The following PSMD5 variants were observed in gnomAD, a reference collection of about 807,000 sequenced individuals.
PSMD5 encodes the protein proteasome 26S subunit, non-ATPase 5.
PSMD5 carries 40 observed loss-of-function variants against 52.1 expected under a neutral mutation model. The observed-to-expected ratio is 0.77, with a 90% confidence interval of 0.60 to 1.00. The LOEUF (loss-of-function observed/expected upper bound fraction) is 1.00. Among genes scored for constraint, PSMD5 ranks in the 50% least tolerant of loss-of-function variants. The pLI is 0.00. For missense variants in PSMD5, 575 were observed against 605.2 expected (o/e 0.95, Z 0.52); for synonymous variants, 211 against 226.6 (o/e 0.93, Z 0.62).
In PSMD5 at chr9:120,817,779, G is replaced by C; in HGVS notation, c.*127C>G. 8.9e-7 allele frequency: 1 copy of C among 1,118,876 alleles called. No homozygotes were observed. Among genetic ancestry groups the C allele is most frequent in the Non-Finnish European group, 1.3e-6 (1 of 785,696 alleles). 69.3% of individuals were successfully genotyped at this position (1,118,876 alleles called of 1,614,324 possible). On this transcript the variant is annotated 3_prime_UTR_variant, in exon 10 of 10. Coordinates refer to ENST00000210313, the MANE Select transcript of PSMD5 (RefSeq NM_005047.4). ...GAAATATAACAGTGTTGGTAACAAAGTAACATCTGACATTCCATGATAATT... is the reference window on the plus strand; with the variant it reads ...GAAATATAACAGTGTTGGTAACAAACTAACATCTGACATTCCATGATAATT...
intron 1 of PSMD5, among the ~76,000 whole-genome samples, chr9:120,838,560 C>A (rs1178623731): frequency 6.6e-6 from 1 of 152,214 alleles, no homozygotes; most frequent in Non-Finnish European, 1.5e-5. Flanking sequence ...CTGCCAGATA[C>A]TATCCAGAGA....
At chr9:120,833,267 G>T (rs376343220) in intron 2 of PSMD5, 45 bp downstream of exon 2, 7 of 1,593,294 alleles carry the variant, frequency 4.4e-6, no homozygotes, top group Middle Eastern at 1.7e-4. Flanking sequence ...GCAGAACCTG[G>T]CCCAGAGCAG....
At chr9:120,833,618 G>A (rs1477075950) in intron 1 of PSMD5, among the ~76,000 whole-genome samples, 162 bp from the exon 2 acceptor site, 1 of 151,248 alleles carries the variant, frequency 6.6e-6, no homozygotes, top group Non-Finnish European at 1.5e-5. Flanking sequence ...TACCTATTAT[G>A]CGCATTGCCT....
In PSMD5 at chr9:120,824,642, A is replaced by G; in HGVS notation, c.858T>C (p.Pro286=). The G allele has an allele frequency of 6.2e-7, 1 of 1,613,122 alleles. No homozygotes were observed. The highest frequency in any genetic ancestry group is 8.5e-7 in the Non-Finnish European group (1 of 1,179,768). The change falls in exon 7 of 10, where the codon CCT becomes CCC. Residue 286 remains proline (P), a synonymous_variant. Transcript: ENST00000210313. The part of the protein sequence containing the change: ...FFGNLAVMDS[P]QQICERYPIF... ...TAGGATAACGCTCACAGATCTGTTG[A>G]GGACTATCCATGACAGCCAGGTTTC...
chr9:120,842,127 C>T (rs12375526), intron 1 of PSMD5: 1 of 153,876 alleles, frequency 6.5e-6, no homozygotes, highest in Non-Finnish European at 1.4e-5. Context: ...CGCTTTTGGA[C>T]TGATCGCCTT....
chr9:120,836,952 C>T (rs1287572401), intron 1 of PSMD5, among the ~76,000 whole-genome samples: 2 of 144,092 alleles, frequency 1.4e-5, no homozygotes, highest in South Asian at 2.2e-4. Flanking sequence ...TGCAGTGGTG[C>T]GATCTTGGCT....
At chr9:120,831,803 A>G in intron 3 of PSMD5, 29 bp downstream of exon 3, 3 of 1,601,300 alleles carry the variant, frequency 1.9e-6, no homozygotes, top group Non-Finnish European at 2.6e-6. Context: ...GTCTCTGCAC[A>G]TTTAAGTCAA....
chr9:120,829,514 C>T, intron 4 of PSMD5, among the ~76,000 whole-genome samples: 1 of 152,212 alleles, frequency 6.6e-6, no homozygotes. Context: ...GTGCCTCAGC[C>T]TCCCCAGTAG....
In PSMD5 at chr9:120,824,607, T is replaced by C. The variant is rs747654438; in HGVS notation, c.893A>G (p.Glu298Gly). 3.1e-6 allele frequency: 5 copies of C among 1,614,062 alleles called. No individual in the cohort carries two copies. In the East Asian group the frequency reaches 1.1e-4, roughly 36 times the overall value. Residue 298 changes from glutamate to glycine, a missense_variant, in exon 7 of 10, where the codon GAA (glutamate) becomes GGA (glycine). Coordinates refer to ENST00000210313, the MANE Select transcript of PSMD5 (RefSeq NM_005047.4). ...ACTTTCTATCATTTCAAAGACTTTT[T>C]CCACAAAGATAGGATAACGCTCACA... ...QICERYPIFV[E>G]KVFEMIESQD...
In PSMD5 at chr9:120,837,185, A is replaced by G. The variant is rs568819312; in HGVS notation, c.174-3729T>C. Among the ~76,000 whole-genome samples the G allele has an allele frequency of 5.9e-5, 9 of 151,418 alleles. No individual in the cohort carries two copies. The South Asian group carries it at 1.0e-3, about 18-fold the overall frequency. On this transcript the variant is annotated intron_variant, in intron 1 of 9. Coordinates refer to ENST00000210313, the MANE Select transcript of PSMD5 (RefSeq NM_005047.4). ...ATTACAGGCGTTAGCCACCGCGCCC[A>G]GCCAATTTTTGTATTTTTAGTAGAG...
At chr9:120,841,206 G>A (rs1448426777) in intron 1 of PSMD5, among the ~76,000 whole-genome samples, 1 of 152,206 alleles carries the variant, frequency 6.6e-6, no homozygotes, top group Non-Finnish European at 1.5e-5. Context: ...TGTGGGGGTT[G>A]GGAAGATTGT....
chr9:120,828,141 C>T lies in PSMD5; in HGVS notation c.671+958G>A, dbSNP rs571730690. ...CCTTCCCAGTAGCTAGGATTACAGG[C>T]ACCCACCACCACGCCCAGCTAATTT... On this transcript the variant is annotated intron_variant, in intron 5 of 9. Coordinates refer to ENST00000210313, the MANE Select transcript of PSMD5 (RefSeq NM_005047.4). Among the ~76,000 whole-genome samples the T allele has an allele frequency of 5.1e-4, 77 of 152,266 alleles. 1 individual carries two copies. Among genetic ancestry groups the T allele is most frequent in the Non-Finnish European group, 5.0e-4 (34 of 68,012 alleles).
intron 6 of PSMD5, among the ~76,000 whole-genome samples, chr9:120,825,440 G>C (rs1377156853): frequency 6.6e-6 from 1 of 151,968 alleles, no homozygotes; most frequent in Non-Finnish European, 1.5e-5. Context: ...TATTTTTTCT[G>C]CTTTCGTGAA....
intron 2 of PSMD5, among the ~76,000 whole-genome samples, chr9:120,832,315 A>ATTTAATCG (rs898912763): frequency 5.3e-5 from 8 of 152,158 alleles, no homozygotes; most frequent in Non-Finnish European, 1.2e-4. Context: ...ATGAGACCGA[A>ATTTAATCG]CAGGCAAAGC....
At chr9:120,842,692 T>G (rs1402419435) in intron 1 of PSMD5, 45 bp downstream of exon 1, 1 of 1,606,702 alleles carries the variant, frequency 6.2e-7, no homozygotes, top group African/African-American at 1.3e-5. Context: ...TGTCCATATT[T>G]AGGGGTGCCC....
intron 1 of PSMD5, among the ~76,000 whole-genome samples, chr9:120,840,143 A>AC (rs1247129227): frequency 6.7e-6 from 1 of 150,270 alleles, no homozygotes; most frequent in East Asian, 1.9e-4. Flanking sequence ...AAAAAAAAAA[A>AC]AAAAAGGGCC....
In PSMD5 at chr9:120,818,198, G is replaced by A. The variant is rs774611091; in HGVS notation, c.1258-35C>T. On this transcript the variant is annotated intron_variant, in intron 9 of 9. Transcript: ENST00000210313. Reference sequence around the variant, plus strand: ...AAGGCAGAAAGAATACAATTCCCCTGAGTGGAAGTTGTTTGTTAATGGGAT... The same window carrying A: ...AAGGCAGAAAGAATACAATTCCCCTAAGTGGAAGTTGTTTGTTAATGGGAT... 5.1e-6 allele frequency: 8 copies of A among 1,573,526 alleles called. No individual in the cohort carries two copies. The South Asian group carries it at 5.8e-5, about 11-fold the overall frequency.
chr9:120,817,774 A>G lies in PSMD5; in HGVS notation c.*132T>C, dbSNP rs1314417892. 6.5e-6 allele frequency: 7 copies of G among 1,076,158 alleles called. No homozygotes were observed. The highest frequency in any genetic ancestry group is 2.2e-4 in the Middle Eastern group (1 of 4,572). 66.7% of individuals were successfully genotyped at this position (1,076,158 alleles called of 1,614,324 possible). A position where few individuals can be genotyped will look rare whatever the true frequency, so the allele number is the denominator to read the frequency against. ...ATGTAGAAATATAACAGTGTTGGTA[A>G]CAAAGTAACATCTGACATTCCATGA... is the stretch of plus-strand genomic sequence containing the variant. On this transcript the variant is annotated 3_prime_UTR_variant, in exon 10 of 10. Transcript: ENST00000210313.
chr9:120,834,546 T>C (rs1484577023), intron 1 of PSMD5, among the ~76,000 whole-genome samples: 1 of 152,216 alleles, frequency 6.6e-6, no homozygotes, highest in African/African-American at 2.4e-5. Context: ...CATAGTATTA[T>C]ACTTTCAAGG....
Sources: gnomAD v4.1 joint callset for allele counts (sites outside exome capture counted in the v4.1 genomes callset) on GRCh38, gnomAD v4.1.1 for gene constraint, MANE v1.5 for transcripts, NCBI Gene and HGNC (gene_info 2026-07-23, HGNC 2026-07-21) for gene names.